Variants in MUC13 observed in about 807,000 individuals in gnomAD.
MUC13 encodes mucin-13.
Under a neutral mutation model 48.3 loss-of-function variants are expected in MUC13, and 32 were observed. The ratio of observed to expected loss-of-function variants is 0.66; its 90% CI spans 0.50 to 0.89. The LOEUF is 0.89. Among genes scored for constraint, MUC13 ranks in the 40% least tolerant of loss-of-function variants. MUC13 has a pLI of 0.00. For synonymous variants in MUC13, 199 were observed against 224.9 expected (o/e 0.88, Z 1.03); for missense variants, 571 against 622.8 (o/e 0.92, Z 0.88).
chr3:124,924,061 A>G (rs1935649278), intron 2 of MUC13, among the ~76,000 whole-genome samples: 2 of 152,346 alleles, frequency 1.3e-5, no homozygotes, highest in South Asian at 2.1e-4. Flanking sequence ...AAAGGTATGA[A>G]TAATTGTCAT....
At chr3:124,914,466 T>C (rs1373381014) in intron 6 of MUC13, among the ~76,000 whole-genome samples, 11 of 150,310 alleles carry the variant, frequency 7.3e-5, no homozygotes, top group Admixed American at 2.7e-4. Context: ...AGAATAGGAG[T>C]AGGTAGAGTC....
intron 6 of MUC13, among the ~76,000 whole-genome samples, chr3:124,914,279 ATG>A (rs2107668726): frequency 6.6e-6 from 1 of 152,182 alleles, no homozygotes; most frequent in African/African-American, 2.4e-5. Context: ...GTGTGGTGGC[ATG>A]TGCCTGTAAT....
chr3:124,912,988 G>T, intron 8 of MUC13, 123 bp downstream of exon 8: 8 of 873,974 alleles, frequency 9.2e-6, no homozygotes, highest in Non-Finnish European at 1.2e-5. Context: ...TGAGGATGCT[G>T]TCTCTACCAA....
rs1394160705 is a variant in MUC13, at chr3:124,927,937, C to A, written c.109G>T (p.Gly37Cys). ...AVTTTETATSGPTVAAADTTE... is the reference protein window; with the variant it reads ...AVTTTETATSCPTVAAADTTE... Reference sequence around the variant, plus strand: ...GTATCAGCTGCAGCTACTGTAGGACCACTAGTCGCAGTTTCTGTGGTTGTT... The same window carrying A: ...GTATCAGCTGCAGCTACTGTAGGACAACTAGTCGCAGTTTCTGTGGTTGTT... Residue 37 changes from glycine to cysteine, a missense_variant, in exon 2 of 12, where the codon GGT becomes TGT. Transcript: ENST00000616727. 1.3e-6 allele frequency: 2 copies of A among 1,590,424 alleles called. No homozygotes were observed. The highest frequency in any genetic ancestry group is 1.2e-5 in the South Asian group (1 of 85,400).
intron 5 of MUC13, among the ~76,000 whole-genome samples, chr3:124,919,745 T>C (rs1248370929): frequency 2.6e-5 from 4 of 152,138 alleles, no homozygotes; most frequent in Admixed American, 6.5e-5. Context: ...ATTGAAGTGC[T>C]CAATAAGTGC....
rs1935459392 is a variant in MUC13, at chr3:124,913,486, G to A, written c.1084+76C>T. On this transcript the variant is annotated intron_variant, in intron 7 of 11. Coordinates refer to ENST00000616727, the MANE Select transcript of MUC13 (RefSeq NM_033049.4). Reference sequence around the variant, plus strand: ...CTCTGAAATGCATGTGGAAACTAAAGGAGTGAATTTTTTATGTTGCAAAAG... The same window carrying A: ...CTCTGAAATGCATGTGGAAACTAAAAGAGTGAATTTTTTATGTTGCAAAAG... 10 of 1,604,218 alleles carry A rather than the reference G, an allele frequency of 6.2e-6. No homozygotes were observed. The South Asian group carries it at 1.0e-4, about 16-fold the overall frequency.
chr3:124,920,381 A>G (rs1408733469), intron 4 of MUC13, 92 bp from the exon 5 acceptor site: 1 of 1,006,798 alleles, frequency 9.9e-7, no homozygotes, highest in Non-Finnish European at 1.5e-6. Flanking sequence ...ATAATGCTCT[A>G]TCTAGCTTTT....
chr3:124,911,809 G>T (rs894195405), intron 9 of MUC13, among the ~76,000 whole-genome samples: 13 of 152,146 alleles, frequency 8.5e-5, no homozygotes, highest in African/African-American at 3.1e-4. Flanking sequence ...GTAAGCTAAT[G>T]CAGGAAATCA....
At chr3:124,910,635 T>G in intron 9 of MUC13, 136 bp from the exon 10 acceptor site, 5 of 1,380,528 alleles carry the variant, frequency 3.6e-6, no homozygotes, top group Non-Finnish European at 4.8e-6. Flanking sequence ...CAGGCCAGGT[T>G]GGGTAGTTGG....
At position 124,922,294 on chromosome 3, in the gene MUC13, A is replaced by T. The variant is rs1270989471; in HGVS notation, c.647T>A (p.Phe216Tyr). The T allele has an allele frequency of 6.2e-7, 1 of 1,613,714 alleles. No homozygotes were observed. The highest frequency in any genetic ancestry group is 1.1e-5 in the South Asian group (1 of 90,986). Reference protein sequence around the residue: ...NSSTCKKGKVFPGKISVTVSE... With the variant: ...NSSTCKKGKVYPGKISVTVSE... ...TACTGTCACTGAAATCTTCCCAGGG[A>T]ATACCTTTCCTGAAAGTTAAGCAGA... Residue 216 changes from phenylalanine to tyrosine, a missense_variant, in exon 4 of 12, where the codon TTC (phenylalanine) becomes TAC (tyrosine). Phe to Tyr is a conservative substitution (Grantham distance 22). Transcript: ENST00000616727.
At chr3:124,924,404 G>A (rs1031414506) in intron 2 of MUC13, among the ~76,000 whole-genome samples, 1 of 152,206 alleles carries the variant, frequency 6.6e-6, no homozygotes, top group African/African-American at 2.4e-5. Flanking sequence ...GGTGATCTGG[G>A]CTATGAGTTT....
intron 4 of MUC13, among the ~76,000 whole-genome samples, chr3:124,920,806 G>A (rs1423016600): frequency 2.0e-5 from 3 of 152,246 alleles, no homozygotes; most frequent in African/African-American, 7.2e-5. Flanking sequence ...GGACCACATT[G>A]ATGTTGCTGT....
chr3:124,934,279 T>C (rs1485408918), intron 1 of MUC13, among the ~76,000 whole-genome samples: 1 of 152,188 alleles, frequency 6.6e-6, no homozygotes, highest in Non-Finnish European at 1.5e-5. Flanking sequence ...TGCCTCAGCC[T>C]CCTGAGTAGC....
chr3:124,908,268 C>G lies in MUC13; in HGVS notation c.1418G>C (p.Gly473Ala). Residue 473 changes from glycine (G) to alanine (A), a missense_variant, in exon 11 of 12, where the codon GGC (glycine) becomes GCC (alanine). Coordinates refer to ENST00000616727, the MANE Select transcript of MUC13 (RefSeq NM_033049.4). ...CCCTTCTGCTCCAAGATTGGTGAAG[C>G]CTGTCGACCGCAGTTTTAGATTTTG... Reference protein sequence around the residue: ...DFQNLKLRSTGFTNLGAEGSV... With the variant: ...DFQNLKLRSTAFTNLGAEGSV... 3 of 1,614,204 alleles carry G rather than the reference C, an allele frequency of 1.9e-6. No individual in the cohort carries two copies. The highest frequency in any genetic ancestry group is 2.5e-6 in the Non-Finnish European group (3 of 1,180,044).
intron 5 of MUC13, among the ~76,000 whole-genome samples, chr3:124,917,840 G>A (rs1203984983): frequency 1.3e-5 from 2 of 152,098 alleles, no homozygotes; most frequent in African/African-American, 4.8e-5. Context: ...TTCTATATTG[G>A]TTGAAATATA....
At chr3:124,921,207 T>C (rs948594789) in intron 4 of MUC13, among the ~76,000 whole-genome samples, 1 of 152,046 alleles carries the variant, frequency 6.6e-6, no homozygotes, top group African/African-American at 2.4e-5. Context: ...TGGAGTGCAG[T>C]GGCATGATCT....
rs533127041 is a variant in MUC13 at position 124,928,050 on chromosome 3, G to C, written c.53-57C>G. On this transcript the variant is annotated intron_variant, in intron 1 of 11. Transcript: ENST00000616727. Reference sequence around the variant, plus strand: ...ACAGTACATTGAATAACTAATGGCAGTTACTTAATACTAAATCATATCCAA... The same window carrying C: ...ACAGTACATTGAATAACTAATGGCACTTACTTAATACTAAATCATATCCAA... The C allele has an allele frequency of 2.5e-5, 27 of 1,095,608 alleles. No individual in the cohort carries two copies. In the African/African-American group the frequency reaches 4.2e-4, roughly 17 times the overall value. 67.9% of individuals were successfully genotyped at this position (1,095,608 alleles called of 1,614,324 possible). A position where few individuals can be genotyped will look rare whatever the true frequency, so the allele number is the denominator to read the frequency against.
chr3:124,913,383 C>A, intron 7 of MUC13, 143 bp from the exon 8 acceptor site: 1 of 1,440,784 alleles, frequency 6.9e-7, no homozygotes, highest in Non-Finnish European at 9.4e-7. Flanking sequence ...TGATGTGCCC[C>A]CTGTGAAGCT....
chr3:124,928,972 C>T (rs977932818), intron 1 of MUC13, among the ~76,000 whole-genome samples: 147 of 152,298 alleles, frequency 9.7e-4, no homozygotes, highest in African/African-American at 3.2e-3. Flanking sequence ...GCTTATTATA[C>T]TTCTTCCAAA....
Sources: gnomAD v4.1 joint callset for allele counts (sites outside exome capture counted in the v4.1 genomes callset) on GRCh38, gnomAD v4.1.1 for gene constraint, MANE v1.5 for transcripts, NCBI Gene and HGNC (gene_info 2026-07-23, HGNC 2026-07-21) for gene names.